RAB2A: variants seen among roughly 807,000 people sequenced by gnomAD.
RAB2A encodes the protein ras-related protein Rab-2A.
In RAB2A, 7 loss-of-function variants were observed where a neutral mutation model predicts 32.5. The ratio of observed to expected loss-of-function variants is 0.22; its 90% CI spans 0.12 to 0.40. The LOEUF (loss-of-function observed/expected upper bound fraction) is 0.40, where lower values mean the gene tolerates loss of function less well. Among genes scored for constraint, RAB2A ranks in the 10% least tolerant of loss-of-function variants. The pLI, the probability that RAB2A is intolerant of heterozygous loss-of-function variation, is 1.00. For synonymous variants in RAB2A, 79 were observed against 85.2 expected, an observed-to-expected ratio of 0.93 and a Z score of 0.40; for missense variants, 108 against 260.7, an observed-to-expected ratio of 0.41 and a Z score of 4.03.
chr8:60,536,736 A>T (rs1023962380), intron 1 of RAB2A, among the ~76,000 whole-genome samples: 1 of 152,204 alleles, frequency 6.6e-6, no homozygotes, highest in African/African-American at 2.4e-5. Flanking sequence ...TAGAATTGCT[A>T]GTTGGAAAGT....
intron 6 of RAB2A, among the ~76,000 whole-genome samples, chr8:60,603,754 C>T (rs1448516942): frequency 1.3e-5 from 2 of 152,060 alleles, no homozygotes; most frequent in African/African-American, 2.4e-5. Flanking sequence ...AATGTCATAG[C>T]TTATGCCTGT....
At chr8:60,526,439 GT>G (rs1807390683) in intron 1 of RAB2A, among the ~76,000 whole-genome samples, 1 of 152,098 alleles carries the variant, frequency 6.6e-6, no homozygotes, top group Non-Finnish European at 1.5e-5. Flanking sequence ...AAGTCTCTCT[GT>G]TTTAGGAAAG....
chr8:60,560,037 A>G (rs1026214516), intron 2 of RAB2A, among the ~76,000 whole-genome samples: 1 of 152,234 alleles, frequency 6.6e-6, no homozygotes, highest in African/African-American at 2.4e-5. Flanking sequence ...AGTGTATACA[A>G]TAATGATGGG....
chr8:60,564,430 C>T (rs1563471282), intron 2 of RAB2A, among the ~76,000 whole-genome samples: 1 of 151,914 alleles, frequency 6.6e-6, no homozygotes, highest in Non-Finnish European at 1.5e-5. Flanking sequence ...TTTTCTTTTC[C>T]AGCTTTTAAT....
At chr8:60,526,020 CATATAT>C (rs146162692) in intron 1 of RAB2A, among the ~76,000 whole-genome samples, 12,385 of 92,266 alleles carry the variant, frequency 0.13, 831 homozygotes, top group Non-Finnish European at 0.17. Flanking sequence ...TGTGTGTGTA[CATATAT>C]ATATATATAT....
intron 1 of RAB2A, among the ~76,000 whole-genome samples, chr8:60,549,129 G>C (rs909283142): frequency 6.6e-6 from 1 of 150,946 alleles, no homozygotes; most frequent in African/African-American, 2.4e-5. Context: ...GATGGCGGCC[G>C]GGCAGAGACG....
chr8:60,531,069 T>A (rs367742208), intron 1 of RAB2A, among the ~76,000 whole-genome samples: 2 of 152,256 alleles, frequency 1.3e-5, no homozygotes, highest in African/African-American at 2.4e-5. Flanking sequence ...TTTGTTTTTT[T>A]CCCCTAGCTT....
intron 1 of RAB2A, chr8:60,551,866 T>TA (rs1807853686): frequency 6.8e-6 from 1 of 147,786 alleles, no homozygotes; most frequent in African/African-American, 2.5e-5. Flanking sequence ...ATTTTTTTTT[T>TA]TTTTTTTTTT....
At chr8:60,576,284 G>C (rs570745194) in intron 3 of RAB2A, 128 of 456,264 alleles carry the variant, frequency 2.8e-4, no homozygotes, top group Admixed American at 2.0e-3. Context: ...TTCATTGGCA[G>C]AAAAAAGGCA....
intron 3 of RAB2A, among the ~76,000 whole-genome samples, chr8:60,582,885 C>T (rs931510002): frequency 3.3e-5 from 5 of 152,154 alleles, no homozygotes; most frequent in African/African-American, 1.2e-4. Flanking sequence ...CAGGCTCAAG[C>T]GATCCACCAG....
intron 1 of RAB2A, among the ~76,000 whole-genome samples, chr8:60,549,088 C>G (rs1807799979): frequency 6.6e-6 from 1 of 150,428 alleles, no homozygotes; most frequent in African/African-American, 2.5e-5. Flanking sequence ...TGATGGCGGC[C>G]GGGAAGAGGC....
At chr8:60,577,329 T>G (rs1039036799) in intron 3 of RAB2A, among the ~76,000 whole-genome samples, 1 of 152,130 alleles carries the variant, frequency 6.6e-6, no homozygotes, top group African/African-American at 2.4e-5. Flanking sequence ...GATTACAGCG[T>G]GAGCCACTGC....
At chr8:60,605,730 C>G (rs546747914) in intron 6 of RAB2A, among the ~76,000 whole-genome samples, 1 of 151,372 alleles carries the variant, frequency 6.6e-6, no homozygotes. Context: ...GCCAATTTTT[C>G]GTTTTTGGAA....
At chr8:60,531,762 A>AAGAG (rs1807479409) in intron 1 of RAB2A, among the ~76,000 whole-genome samples, 1 of 151,730 alleles carries the variant, frequency 6.6e-6, no homozygotes, top group Non-Finnish European at 1.5e-5. Context: ...GTCTTCAGGG[A>AAGAG]AGAGAAGGGA....
At chr8:60,575,815 G>A (rs1222358552) in intron 3 of RAB2A, among the ~76,000 whole-genome samples, 4 of 151,730 alleles carry the variant, frequency 2.6e-5, no homozygotes, top group African/African-American at 4.8e-5. Context: ...GCACCACCAC[G>A]CCCGGCTAAT....
At chr8:60,556,520 CTAGGTG>C (rs957984498) in intron 1 of RAB2A, among the ~76,000 whole-genome samples, 2 of 151,160 alleles carry the variant, frequency 1.3e-5, no homozygotes, top group Non-Finnish European at 2.9e-5. Flanking sequence ...AACACGGAAA[CTAGGTG>C]TAGTGGCACA....
intron 1 of RAB2A, among the ~76,000 whole-genome samples, chr8:60,548,964 G>GAT (rs1807797166): frequency 6.6e-6 from 1 of 151,168 alleles, no homozygotes; most frequent in African/African-American, 2.4e-5. Context: ...CTTCTCAGAC[G>GAT]GGGCGGCAGG....
chr8:60,524,900 C>A (rs1029663417), intron 1 of RAB2A, among the ~76,000 whole-genome samples: 16 of 152,134 alleles, frequency 1.1e-4, no homozygotes. Flanking sequence ...TGTAGCCAGA[C>A]TGAATTTGTA....
intron 1 of RAB2A, among the ~76,000 whole-genome samples, chr8:60,554,491 G>A (rs1807904680): frequency 6.6e-6 from 1 of 152,210 alleles, no homozygotes; most frequent in Non-Finnish European, 1.5e-5. Flanking sequence ...TTGGGAGGAT[G>A]ATGAACAAGA....
Sources: gnomAD v4.1 joint callset for allele counts (sites outside exome capture counted in the v4.1 genomes callset) on GRCh38, gnomAD v4.1.1 for gene constraint, MANE v1.5 for transcripts, NCBI Gene and HGNC (gene_info 2026-07-23, HGNC 2026-07-21) for gene names.